LPP: variants seen among roughly 807,000 people sequenced by gnomAD.
The protein encoded by LPP is LIM domain containing preferred translocation partner in lipoma, also known as lipoma-preferred partner.
In LPP, 38 loss-of-function variants were observed where a neutral mutation model predicts 60.4. The observed-to-expected ratio is 0.63, with a 90% CI of 0.49 to 0.83. LPP has a LOEUF of 0.83. Ranked by LOEUF, LPP falls within the 40% of genes least tolerant of loss-of-function variation. The pLI, the probability that LPP is intolerant of heterozygous loss-of-function variation, is 0.00. For missense variants in LPP, 902 were observed against 783.6 expected (o/e 1.15, Z -1.80); for synonymous variants, 328 against 290.8 (o/e 1.13, Z -1.30).
At chr3:188,299,499 A>C (rs1050234648) in intron 2 of LPP, among the ~76,000 whole-genome samples, 2 of 152,062 alleles carry the variant, frequency 1.3e-5, no homozygotes, top group Admixed American at 1.3e-4. Context: ...GTCTTTTTTT[A>C]AAATTGTGCC....
At chr3:188,428,595 T>TA (rs1790089865) in intron 4 of LPP, among the ~76,000 whole-genome samples, 1 of 44,986 alleles carries the variant, frequency 2.2e-5, no homozygotes. Flanking sequence ...TATATATATA[T>TA]ATTTTTTTTT....
intron 1 of LPP, among the ~76,000 whole-genome samples, chr3:188,224,610 G>T (rs954018700): frequency 6.6e-6 from 1 of 152,124 alleles, no homozygotes; most frequent in African/African-American, 2.4e-5. Flanking sequence ...TATAAGCATG[G>T]CACTGGCATC....
At chr3:188,249,324 G>T (rs1244088857) in intron 2 of LPP, among the ~76,000 whole-genome samples, 1 of 152,090 alleles carries the variant, frequency 6.6e-6, no homozygotes, top group South Asian at 2.1e-4. Flanking sequence ...TTGGGCCTGG[G>T]ACATCAAGGC....
chr3:188,579,723 G>A (rs1560590331), intron 6 of LPP, among the ~76,000 whole-genome samples: 2 of 151,476 alleles, frequency 1.3e-5, no homozygotes. Context: ...TCTTTGGGAT[G>A]CTGAGGCGGT....
At chr3:188,788,843 TCATTTTTTGTTTTTTC>T (rs1742744968) in intron 9 of LPP, among the ~76,000 whole-genome samples, 3 of 152,184 alleles carry the variant, frequency 2.0e-5, no homozygotes, top group African/African-American at 7.2e-5. Context: ...AGCACTCATT[TCATTTTTTGTTTTTTC>T]CATTTTCTTC....
intron 3 of LPP, among the ~76,000 whole-genome samples, chr3:188,358,976 G>A (rs13073738): frequency 0.19 from 29,004 of 152,040 alleles, 2,969 homozygotes; most frequent in East Asian, 0.38. Context: ...CCCAGTCTTC[G>A]AGGAAGTCCC....
chr3:188,361,659 C>T (rs1184542065), intron 3 of LPP, among the ~76,000 whole-genome samples: 6 of 151,658 alleles, frequency 4.0e-5, no homozygotes, highest in South Asian at 2.1e-4. Context: ...CTCCACCTCC[C>T]GGGTCCAAGC....
At position 188,718,914 on chromosome 3, in the gene LPP, G is replaced by A. The variant is rs1041568170; in HGVS notation, c.1240+10521G>A. Among the ~76,000 whole-genome samples the A allele has an allele frequency of 1.1e-4, 16 of 152,344 alleles. No individual in the cohort carries two copies. The South Asian group carries it at 3.3e-3, about 32-fold the overall frequency. ...CTTCATTTTTAGAGATCATGAAAAT[G>A]AGTGAGATTTTTAGGGTCCCAAATT... On this transcript the variant is annotated intron_variant, in intron 8 of 11. Transcript: ENST00000617246.
At chr3:188,771,701 C>T (rs1427849739) in intron 9 of LPP, among the ~76,000 whole-genome samples, 1 of 152,090 alleles carries the variant, frequency 6.6e-6, no homozygotes, top group East Asian at 1.9e-4. Context: ...AGTGTGGGGG[C>T]TTTGAGTCGT....
intron 6 of LPP, among the ~76,000 whole-genome samples, chr3:188,584,907 T>A (rs1042235037): frequency 4.6e-5 from 7 of 152,322 alleles, no homozygotes; most frequent in African/African-American, 1.4e-4. Context: ...TCCATTCATG[T>A]AACATTTTTA....
intron 9 of LPP, among the ~76,000 whole-genome samples, chr3:188,834,180 C>T (rs1194679254): frequency 1.3e-5 from 2 of 152,166 alleles, no homozygotes; most frequent in South Asian, 2.1e-4. Context: ...ACACTCTATT[C>T]TCCTGCCAGC....
chr3:188,607,616 A>G (rs1429045542), intron 6 of LPP, among the ~76,000 whole-genome samples: 1 of 151,690 alleles, frequency 6.6e-6, no homozygotes, highest in African/African-American at 2.4e-5. Flanking sequence ...GCTTCCAAGC[A>G]TTTATTTTTG....
At chr3:188,770,939 T>C (rs1008265075) in intron 9 of LPP, among the ~76,000 whole-genome samples, 2 of 152,198 alleles carry the variant, frequency 1.3e-5, no homozygotes, top group African/African-American at 4.8e-5. Context: ...TAAAACAGTT[T>C]GAAAACATTA....
At chr3:188,289,192 ATCATTGAATCATAGCACGTCTAAAAT>A (rs1745121622) in intron 2 of LPP, among the ~76,000 whole-genome samples, 1 of 152,070 alleles carries the variant, frequency 6.6e-6, no homozygotes, top group Admixed American at 6.5e-5. Flanking sequence ...AGATCATACA[ATCATTGAATCATAGCACGTCTAAAAT>A]CCAAGGCTCT....
intron 5 of LPP, among the ~76,000 whole-genome samples, chr3:188,488,658 A>C (rs928550486): frequency 6.6e-6 from 1 of 151,940 alleles, no homozygotes; most frequent in Admixed American, 6.5e-5. Flanking sequence ...TTATTTTGAT[A>C]CAGAGTCTCA....
intron 2 of LPP, among the ~76,000 whole-genome samples, chr3:188,280,660 T>C (rs1741642582): frequency 1.3e-5 from 2 of 151,728 alleles, no homozygotes; most frequent in South Asian, 4.2e-4. Context: ...AGACAGGTGA[T>C]TTGTGAGTCT....
intron 3 of LPP, among the ~76,000 whole-genome samples, chr3:188,398,984 G>A (rs1781600602): frequency 6.6e-6 from 1 of 152,224 alleles, no homozygotes; most frequent in African/African-American, 2.4e-5. Flanking sequence ...TCAAAACAAT[G>A]AGGAGAATCA....
chr3:188,819,979 C>G (rs1353081271), intron 9 of LPP, among the ~76,000 whole-genome samples: 1 of 152,160 alleles, frequency 6.6e-6, no homozygotes, highest in African/African-American at 2.4e-5. Flanking sequence ...GCTTTGCACT[C>G]TAACTTGAAG....
At chr3:188,481,467 T>TA (rs1049245200) in intron 4 of LPP, among the ~76,000 whole-genome samples, 2 of 152,192 alleles carry the variant, frequency 1.3e-5, no homozygotes, top group Non-Finnish European at 2.9e-5. Context: ...AGTTGTTTCT[T>TA]AAAAAAACCA....
Sources: gnomAD v4.1 joint callset for allele counts (sites outside exome capture counted in the v4.1 genomes callset) on GRCh38, gnomAD v4.1.1 for gene constraint, MANE v1.5 for transcripts, NCBI Gene and HGNC (gene_info 2026-07-23, HGNC 2026-07-21) for gene names.